ENG: variants seen among roughly 807,000 people sequenced by gnomAD.
ENG encodes the protein CD105 antigen.
In ENG, 17 loss-of-function variants were observed where a neutral mutation model predicts 71.0. That is an observed-to-expected ratio of 0.24 (90% CI 0.16 to 0.36). ENG has a LOEUF of 0.36. Ranked by LOEUF, ENG falls within the 10% of genes least tolerant of loss-of-function variation. The probability of loss-of-function intolerance (pLI) is 1.00; values close to 1 mark genes in which losing one functional copy is unlikely to be tolerated. For synonymous variants in ENG, 360 were observed against 366.9 expected (o/e 0.98, Z 0.21); for missense variants, 749 against 868.3 (o/e 0.86, Z 1.73).
intron 1 of ENG, among the ~76,000 whole-genome samples, chr9:127,844,796 C>T (rs747078480): frequency 2.0e-5 from 3 of 152,228 alleles, no homozygotes; most frequent in Non-Finnish European, 2.9e-5. Context: ...CCAAGTCTCC[C>T]TCCAGGTAAG....
chr9:127,822,039 G>A (rs1830480106), intron 8 of ENG, among the ~76,000 whole-genome samples: 1 of 151,802 alleles, frequency 6.6e-6, no homozygotes, highest in Admixed American at 6.6e-5. Flanking sequence ...GACAGAGCAA[G>A]ACTGTCTCAA....
chr9:127,816,698 G>A, intron 13 of ENG: 1 of 263,508 alleles, frequency 3.8e-6, no homozygotes, highest in Non-Finnish European at 7.5e-6. Flanking sequence ...TGCCACCAGT[G>A]TCGGGACTCT....
At chr9:127,854,243 TGCACCGGAG>T in intron 1 of ENG, 37 bp downstream of exon 1, 2 of 1,545,570 alleles carry the variant, frequency 1.3e-6, no homozygotes. Context: ...GCCTGGTCCG[TGCACCGGAG>T]GCCGAGTCTC....
intron 1 of ENG, among the ~76,000 whole-genome samples, chr9:127,845,537 C>A (rs558131303): frequency 2.0e-5 from 3 of 152,352 alleles, no homozygotes; most frequent in African/African-American, 4.8e-5. Context: ...CCAGGCTGAC[C>A]TGGTTTGCCT....
intron 12 of ENG, 86 bp downstream of exon 12, chr9:127,818,034 T>TC: frequency 6.2e-7 from 1 of 1,603,346 alleles, no homozygotes; most frequent in Admixed American, 1.7e-5. Flanking sequence ...TGGCCCCACA[T>TC]CCCTGTGGGC....
rs1394285402 is a variant in ENG, at chr9:127,838,439, GC to G, written c.219+4654del. ...GTACTGCCTTCCATGGCCTCCCACT[GC>G]CTCCCAGGACAGTCTGGGGGAGCTA... On this transcript the variant is annotated intron_variant, in intron 2 of 14. Coordinates refer to ENST00000373203, the MANE Select transcript of ENG (RefSeq NM_001114753.3). The surrounding 1 kb of genome is among the most constrained non-coding windows in gnomAD (Gnocchi z 4.3). Among the ~76,000 whole-genome samples, 1 of 151,962 alleles carries G rather than the reference GC, an allele frequency of 6.6e-6. No individual in the cohort carries two copies. The highest frequency in any genetic ancestry group is 2.4e-5 in the African/African-American group (1 of 41,354).
chr9:127,819,077 A>G (rs1830409910), intron 10 of ENG, among the ~76,000 whole-genome samples: 1 of 151,862 alleles, frequency 6.6e-6, no homozygotes, highest in Admixed American at 6.6e-5. Flanking sequence ...AGCTGGGATT[A>G]CAGGTGCCCG....
At chr9:127,825,976 G>T in intron 4 of ENG, 116 bp from the exon 5 acceptor site, 1 of 1,377,012 alleles carries the variant, frequency 7.3e-7, no homozygotes, top group South Asian at 1.3e-5. Flanking sequence ...GCTGCAGAGG[G>T]GGAGAGGCGT....
intron 10 of ENG, chr9:127,819,134 T>A (rs1305806449): frequency 2.7e-6 from 1 of 374,512 alleles, no homozygotes; most frequent in Non-Finnish European, 5.1e-6. Context: ...ATACGGGGTT[T>A]CACCATGTTA....
At chr9:127,834,434 G>C (rs931287404) in intron 2 of ENG, among the ~76,000 whole-genome samples, 4 of 151,398 alleles carry the variant, frequency 2.6e-5, no homozygotes, top group Non-Finnish European at 5.9e-5. Context: ...TTTTGAGATG[G>C]AGTCTTGCTC....
chr9:127,818,457 G>C, intron 11 of ENG, 80 bp from the exon 12 acceptor site: 4 of 1,584,864 alleles, frequency 2.5e-6, no homozygotes, highest in Non-Finnish European at 3.4e-6. Flanking sequence ...ATATCGGCTA[G>C]AATTAAGAGT....
intron 13 of ENG, 154 bp from the exon 14 acceptor site, chr9:127,816,207 C>T (rs1830311039): frequency 3.1e-6 from 3 of 959,056 alleles, no homozygotes; most frequent in Non-Finnish European, 3.2e-6. Flanking sequence ...CAAACGGGCT[C>T]ATCACAGCCA....
intron 6 of ENG, 89 bp downstream of exon 6, chr9:127,825,142 C>T: frequency 1.2e-6 from 2 of 1,610,754 alleles, no homozygotes; most frequent in Non-Finnish European, 8.5e-7. Context: ...TCCTTCAGCT[C>T]AGCTCGGGGG....
chr9:127,818,802 G>A lies in ENG; in HGVS notation c.1342C>T (p.Leu448Phe). The A allele has an allele frequency of 1.9e-6, 3 of 1,614,160 alleles. No individual in the cohort carries two copies. The highest frequency in any genetic ancestry group is 2.5e-6 in the Non-Finnish European group (3 of 1,180,026). ...AGGTAGAGGCCCAGCTGGAAAGAGAGGCTGTCCATGTTGAGGCAGTGCACC... is the reference window on the plus strand; with the variant it reads ...AGGTAGAGGCCCAGCTGGAAAGAGAAGCTGTCCATGTTGAGGCAGTGCACC... ...KKVHCLNMDSLSFQLGLYLSP... is the reference protein window; with the variant it reads ...KKVHCLNMDSFSFQLGLYLSP... Residue 448 changes from leucine to phenylalanine, a missense_variant, in exon 11 of 15, where the codon CTC becomes TTC. Leu to Phe is a conservative substitution (Grantham distance 22, BLOSUM62 0). Coordinates refer to ENST00000373203, the MANE Select transcript of ENG (RefSeq NM_001114753.3).
In ENG at chr9:127,824,479, GTCACTGTGTGA is replaced by G. The variant is rs561372233; in HGVS notation, c.992-44_992-34del. ...GTAGCAGAGGCAGGCCAGGCGGCTG[GTCACTGTGTGA>G]TCACTGTGTGCCCGCACCAGGCTTT... is the stretch of plus-strand genomic sequence containing the variant. On this transcript the variant is annotated intron_variant, in intron 7 of 14. Coordinates refer to ENST00000373203, the MANE Select transcript of ENG (RefSeq NM_001114753.3). The G allele has an allele frequency of 4.0e-3, 6,412 of 1,603,638 alleles. 30 individuals are homozygous for G. Among genetic ancestry groups the G allele is most frequent in the Non-Finnish European group, 4.5e-3 (5,309 of 1,174,718 alleles).
chr9:127,827,658 T>C (rs1345424851), intron 3 of ENG, among the ~76,000 whole-genome samples: 2 of 152,194 alleles, frequency 1.3e-5, no homozygotes. Flanking sequence ...ATATTTTTTA[T>C]TATAATTTTT....
At chr9:127,854,004 C>G (rs1829090484) in intron 1 of ENG, among the ~76,000 whole-genome samples, 1 of 152,240 alleles carries the variant, frequency 6.6e-6, no homozygotes, top group Non-Finnish European at 1.5e-5. Context: ...ATTCTGGGAC[C>G]TAGGCTTCCC....
chr9:127,853,309 T>C (rs894123423), intron 1 of ENG, among the ~76,000 whole-genome samples: 1 of 151,984 alleles, frequency 6.6e-6, no homozygotes, highest in Admixed American at 6.6e-5. Context: ...TTCCCCTTCC[T>C]CCCCACACTC....
chr9:127,853,941 T>A (rs1341918358), intron 1 of ENG, among the ~76,000 whole-genome samples: 1 of 152,126 alleles, frequency 6.6e-6, no homozygotes, highest in Non-Finnish European at 1.5e-5. Flanking sequence ...CCATTCCTCA[T>A]GGGGAAACTC....
Sources: gnomAD v4.1 joint callset for allele counts (sites outside exome capture counted in the v4.1 genomes callset) on GRCh38, gnomAD v4.1.1 for gene constraint, Gnocchi (gnomAD v3.1) non-coding constraint, MANE v1.5 for transcripts, NCBI Gene and HGNC (gene_info 2026-07-23, HGNC 2026-07-21) for gene names.